The following RASSF8 variants were observed in gnomAD, a reference collection of about 807,000 sequenced individuals.
RASSF8 encodes Ras association domain family member 8.
In RASSF8, 22 loss-of-function variants were observed where a neutral mutation model predicts 48.5. That is an observed-to-expected ratio of 0.45 (90% CI 0.32 to 0.65). RASSF8 has a LOEUF of 0.65. Among genes scored for constraint, RASSF8 ranks in the 30% least tolerant of loss-of-function variants. RASSF8 has a pLI of 0.03. For synonymous variants in RASSF8, 127 were observed against 171.5 expected (o/e 0.74, Z 2.03); for missense variants, 418 against 489.2 (o/e 0.85, Z 1.37).
chr12:26,050,151 T>C (rs1424241464), intron 2 of RASSF8, among the ~76,000 whole-genome samples: 1 of 152,190 alleles, frequency 6.6e-6, no homozygotes, highest in Non-Finnish European at 1.5e-5. Flanking sequence ...TCATAGCATG[T>C]TTTATACTAG....
chr12:26,028,413 A>G (rs115523182), intron 2 of RASSF8, among the ~76,000 whole-genome samples: 2,805 of 152,310 alleles, frequency 0.018, 74 homozygotes, highest in African/African-American at 0.058. Context: ...AGAAATTGCT[A>G]AGGACTTCTA....
intron 2 of RASSF8, among the ~76,000 whole-genome samples, chr12:26,002,909 CATG>C (rs1247465304): frequency 3.3e-5 from 5 of 152,152 alleles, no homozygotes; most frequent in Non-Finnish European, 5.9e-5. Flanking sequence ...GTTTATAGTA[CATG>C]ATGTTTATTA....
chr12:26,055,907 TG>T (rs1240038701), intron 3 of RASSF8, among the ~76,000 whole-genome samples: 1 of 152,196 alleles, frequency 6.6e-6, no homozygotes, highest in Non-Finnish European at 1.5e-5. Flanking sequence ...TATGATTGGC[TG>T]GGCATGGTGG....
chr12:25,987,018 C>T (rs369196082), intron 1 of RASSF8, among the ~76,000 whole-genome samples: 43 of 152,210 alleles, frequency 2.8e-4, no homozygotes, highest in Admixed American at 2.0e-3. Flanking sequence ...TCACCGCAAC[C>T]TCGCCTCCCG....
rs1941158695 is a variant in RASSF8 at position 25,959,096 on chromosome 12, C to T, written c.-255C>T. 1 of 150,108 alleles carries T rather than the reference C, an allele frequency of 6.7e-6. No individual in the cohort carries two copies. The highest frequency in any genetic ancestry group is 1.5e-5 in the Non-Finnish European group (1 of 67,410). The allele number at this position is 150,108 out of a possible 1,614,324, so 9.3% of individuals were successfully genotyped here. ...TCCGGGTGCCGCCGCGTCCCCAGCG[C>T]CCCGGCCGGCCCCTCTGGGCGGCCT... On this transcript the variant is annotated 5_prime_UTR_variant, in exon 1 of 6. Transcript: ENST00000689635.
intron 2 of RASSF8, among the ~76,000 whole-genome samples, chr12:26,048,678 G>A (rs1442177117): frequency 6.6e-6 from 1 of 151,938 alleles, no homozygotes; most frequent in Non-Finnish European, 1.5e-5. Context: ...GCCACTCATG[G>A]CTCTCTCTAG....
intron 5 of RASSF8, among the ~76,000 whole-genome samples, chr12:26,077,993 A>G (rs1334781554): frequency 6.6e-6 from 1 of 152,240 alleles, no homozygotes; most frequent in Non-Finnish European, 1.5e-5. Context: ...TGTTGAAGGC[A>G]GAGTTCTACA....
downstream of RASSF8, among the ~76,000 whole-genome samples, chr12:26,074,266 T>C (rs1335200179): frequency 1.3e-5 from 2 of 152,216 alleles, no homozygotes; most frequent in Non-Finnish European, 2.9e-5. Context: ...TGGATGCGTT[T>C]ATACTTTCTA....
intron 2 of RASSF8, among the ~76,000 whole-genome samples, chr12:25,996,905 T>C (rs1167775964): frequency 1.3e-5 from 2 of 152,202 alleles, no homozygotes; most frequent in Admixed American, 1.3e-4. Flanking sequence ...ACTTTGGTGG[T>C]CAGCAAAACC....
In RASSF8 at chr12:26,001,344, T is replaced by G. The variant is rs1942253206; in HGVS notation, c.-109+6214T>G. Among the ~76,000 whole-genome samples the G allele has an allele frequency of 2.0e-5, 3 of 152,078 alleles. No homozygotes were observed. In the South Asian group the frequency reaches 6.2e-4, roughly 32 times the overall value. On this transcript the variant is annotated intron_variant, in intron 2 of 5. Transcript: ENST00000689635. ...TTTTAAGTTTTAAAAATTAAAAATT[T>G]TTATCCACTGTGTTTTGCCTATTAA...
At chr12:26,059,800 G>A in intron 3 of RASSF8, among the ~76,000 whole-genome samples, 1 of 152,228 alleles carries the variant, frequency 6.6e-6, no homozygotes, top group East Asian at 1.9e-4. Flanking sequence ...CTGTGTTAAC[G>A]AACAGCTCCC....
At chr12:26,033,905 G>A (rs1943077445) in intron 2 of RASSF8, among the ~76,000 whole-genome samples, 1 of 151,984 alleles carries the variant, frequency 6.6e-6, no homozygotes, top group Non-Finnish European at 1.5e-5. Flanking sequence ...TGTAAAATGG[G>A]GATGAGAATA....
At chr12:25,986,651 C>A (rs1941882655) in intron 1 of RASSF8, among the ~76,000 whole-genome samples, 1 of 152,326 alleles carries the variant, frequency 6.6e-6, no homozygotes, top group South Asian at 2.1e-4. Flanking sequence ...CCCAGTTTCC[C>A]TCTAAATTGT....
chr12:26,032,465 G>A (rs1334604674), intron 2 of RASSF8, among the ~76,000 whole-genome samples: 2 of 152,144 alleles, frequency 1.3e-5, no homozygotes, highest in Non-Finnish European at 2.9e-5. Flanking sequence ...GGACTCTTGG[G>A]ACTGTTTCAT....
chr12:26,067,696 A>G lies in RASSF8; in HGVS notation c.1121A>G (p.His374Arg). The change falls in exon 5 of 6, where the codon CAT becomes CGT. Residue 374 changes from histidine to arginine, a missense_variant. Physicochemically the swap from His to Arg is conservative, Grantham distance 29. Coordinates refer to ENST00000689635, the MANE Select transcript of RASSF8 (RefSeq NM_001394098.1). Reference sequence around the variant, plus strand: ...GAGCCCATTGAAATAGAGGCCTCACATGCAGACATTGAAAGGGGTAAGATG... The same window carrying G: ...GAGCCCATTGAAATAGAGGCCTCACGTGCAGACATTGAAAGGGGTAAGATG... ...PAEPIEIEAS[H>R]ADIEREAPFQ... The G allele has an allele frequency of 1.9e-6, 3 of 1,614,142 alleles. No individual in the cohort carries two copies. The highest frequency in any genetic ancestry group is 2.5e-6 in the Non-Finnish European group (3 of 1,179,982).
intron 2 of RASSF8, among the ~76,000 whole-genome samples, chr12:26,007,046 A>T (rs532381130): frequency 6.6e-6 from 1 of 152,226 alleles, no homozygotes; most frequent in Admixed American, 6.5e-5. Context: ...GCGTGTGCAG[A>T]GATCACATGG....
chr12:25,967,015 C>T (rs1439757968), intron 1 of RASSF8, among the ~76,000 whole-genome samples: 9 of 152,174 alleles, frequency 5.9e-5, no homozygotes, highest in African/African-American at 1.2e-4. Flanking sequence ...ACTGTTGAAA[C>T]GACTATTCTT....
chr12:26,063,039 G>T (rs773956738), intron 3 of RASSF8, among the ~76,000 whole-genome samples: 1 of 152,130 alleles, frequency 6.6e-6, no homozygotes, highest in Admixed American at 6.5e-5. Flanking sequence ...ACATACATGG[G>T]TGTTGATATT....
chr12:25,992,491 A>C (rs1246281723), intron 1 of RASSF8, among the ~76,000 whole-genome samples: 1 of 152,220 alleles, frequency 6.6e-6, no homozygotes, highest in Non-Finnish European at 1.5e-5. Context: ...CAGCCACTTG[A>C]GAATACCTGG....
Sources: gnomAD v4.1 joint callset for allele counts (sites outside exome capture counted in the v4.1 genomes callset) on GRCh38, gnomAD v4.1.1 for gene constraint, MANE v1.5 for transcripts, NCBI Gene and HGNC (gene_info 2026-07-23, HGNC 2026-07-21) for gene names.